HRH1: variants seen among roughly 807,000 people sequenced by gnomAD.
HRH1 encodes histamine H1 receptor.
In HRH1, 6 loss-of-function variants were observed where a neutral mutation model predicts 10.3. The ratio of observed to expected loss-of-function variants is 0.58; its 90% CI spans 0.32 to 1.15. HRH1 has a LOEUF of 1.15. HRH1 is among the 50% of genes most tolerant of loss of function. HRH1 has a pLI of 0.05. For missense variants in HRH1, 514 were observed against 615.3 expected (o/e 0.84, Z 1.74); for synonymous variants, 242 against 236.7 (o/e 1.02, Z -0.21).
chr3:11,234,634 GTTA>G, intron 1 of HRH1: 1 of 1,390,642 alleles, frequency 7.2e-7, no homozygotes, highest in East Asian at 2.3e-5. Flanking sequence ...GTCTTCTTTG[GTTA>G]TAAATATGAT....
intron 1 of HRH1, among the ~76,000 whole-genome samples, chr3:11,155,272 A>T (rs1453314221): frequency 6.6e-6 from 1 of 152,024 alleles, no homozygotes; most frequent in Non-Finnish European, 1.5e-5. Flanking sequence ...CCGAGAGAGG[A>T]GGATGCTTTG....
At chr3:11,154,342 G>A (rs1390889085), upstream of HRH1, among the ~76,000 whole-genome samples, 14 of 151,668 alleles carry the variant, frequency 9.2e-5, no homozygotes, top group Admixed American at 2.6e-4. The surrounding 1 kb of genome is among the most constrained non-coding windows in gnomAD (Gnocchi z 4.4). Flanking sequence ...GGCGGCCCTG[G>A]GCGCGTGGAA....
intron 1 of HRH1, chr3:11,234,203 G>A: frequency 8.4e-7 from 1 of 1,184,252 alleles, no homozygotes; most frequent in Non-Finnish European, 1.2e-6. Context: ...AAGGTCTTTT[G>A]CAAAAGGTCC....
intron 1 of HRH1, among the ~76,000 whole-genome samples, chr3:11,207,111 TG>T (rs2125031548): frequency 6.6e-6 from 1 of 151,860 alleles, no homozygotes; most frequent in East Asian, 1.9e-4. Flanking sequence ...TGTGAGATAC[TG>T]GGGTATATTG....
chr3:11,246,537 A>G (rs920155256), intron 1 of HRH1, among the ~76,000 whole-genome samples: 1 of 152,232 alleles, frequency 6.6e-6, no homozygotes, highest in Non-Finnish European at 1.5e-5. Flanking sequence ...CAGGTCCCGA[A>G]GGGAGGGAAA....
chr3:11,140,038 C>T (rs1026822791), intron 1 of HRH1, among the ~76,000 whole-genome samples: 1 of 152,038 alleles, frequency 6.6e-6, no homozygotes, highest in African/African-American at 2.4e-5. Context: ...GGAAGCATTC[C>T]TTCTGGGCAG....
chr3:11,255,871 A>T (rs942649603), intron 1 of HRH1, among the ~76,000 whole-genome samples: 1 of 152,340 alleles, frequency 6.6e-6, no homozygotes, highest in South Asian at 2.1e-4. Context: ...GCAGTTCCCA[A>T]CTTGACTTTT....
chr3:11,174,303 G>A (rs1937209158), intron 1 of HRH1, among the ~76,000 whole-genome samples: 1 of 152,196 alleles, frequency 6.6e-6, no homozygotes, highest in Non-Finnish European at 1.5e-5. Context: ...ACCTTCTAGG[G>A]ATTTCTAATA....
chr3:11,259,666 A>T lies in HRH1; in HGVS notation c.629A>T (p.Tyr210Phe). 3.1e-6 allele frequency: 5 copies of T among 1,613,798 alleles called. No homozygotes were observed. Among genetic ancestry groups the T allele is most frequent in the Non-Finnish European group, 4.2e-6 (5 of 1,179,932 alleles). Residue 210 changes from tyrosine to phenylalanine, a missense_variant, in exon 2 of 2, where the codon TAT (tyrosine) becomes TTT (phenylalanine). Physicochemically the swap from Tyr to Phe is conservative, Grantham distance 22 (BLOSUM62 3). Coordinates refer to ENST00000431010, the MANE Select transcript of HRH1 (RefSeq NM_001098212.2). This position sits in a 1 kb window ranked among gnomAD's most constrained non-coding sequence, Gnocchi z 4.6. ...CCCACCTTGCTCATGCTCTGGTTCT[A>T]TGCCAAGATCTACAAGGCCGTACGA... ...YLPTLLMLWF[Y>F]AKIYKAVRQH...
At chr3:11,256,117 C>A (rs1939774168) in intron 1 of HRH1, among the ~76,000 whole-genome samples, 1 of 152,048 alleles carries the variant, frequency 6.6e-6, no homozygotes, top group African/African-American at 2.4e-5. Flanking sequence ...AGGATGAGAT[C>A]CCCGAGGCCG....
intron 1 of HRH1, among the ~76,000 whole-genome samples, chr3:11,205,725 T>C (rs999696610): frequency 1.3e-5 from 2 of 150,838 alleles, no homozygotes; most frequent in South Asian, 4.2e-4. Context: ...GCAGCGGCAC[T>C]ATCTCGGCTC....
chr3:11,210,370 G>C (rs1938285501), intron 1 of HRH1, among the ~76,000 whole-genome samples: 1 of 151,912 alleles, frequency 6.6e-6, no homozygotes, highest in South Asian at 2.1e-4. Context: ...ATCCAGCCTG[G>C]GTGACAAAAC....
chr3:11,172,744 C>T (rs1189205587), intron 1 of HRH1, among the ~76,000 whole-genome samples: 1 of 147,584 alleles, frequency 6.8e-6, no homozygotes, highest in Non-Finnish European at 1.5e-5. Context: ...GCTCTGTCCC[C>T]CAGGCTGAAG....
At chr3:11,246,053 CAT>C (rs1198538640) in intron 1 of HRH1, among the ~76,000 whole-genome samples, 2 of 151,962 alleles carry the variant, frequency 1.3e-5, no homozygotes, top group Non-Finnish European at 2.9e-5. Context: ...CATTCACACA[CAT>C]ACACACAGAC....
At chr3:11,215,126 A>G (rs1938445491) in intron 1 of HRH1, among the ~76,000 whole-genome samples, 1 of 152,226 alleles carries the variant, frequency 6.6e-6, no homozygotes, top group Admixed American at 6.5e-5. Flanking sequence ...TAACTCAGAA[A>G]GATAGTTCCC....
intron 1 of HRH1, among the ~76,000 whole-genome samples, chr3:11,221,321 G>A (rs1490791018): frequency 1.3e-5 from 2 of 152,130 alleles, no homozygotes; most frequent in African/African-American, 4.8e-5. Flanking sequence ...GGGAGGCCGA[G>A]GTGGGTGGAT....
chr3:11,144,429 A>G (rs62248177), intron 1 of HRH1, among the ~76,000 whole-genome samples: 1 of 44,440 alleles, frequency 2.3e-5, no homozygotes, highest in Non-Finnish European at 6.2e-5. Flanking sequence ...GTATATATAC[A>G]TATAGACATA....
intron 1 of HRH1, among the ~76,000 whole-genome samples, chr3:11,214,030 G>A (rs1329425159): frequency 6.6e-6 from 1 of 152,150 alleles, no homozygotes; most frequent in East Asian, 1.9e-4. Flanking sequence ...GGGGGTCAGC[G>A]TGGGGTTTGT....
chr3:11,170,705 G>C (rs897057253), intron 1 of HRH1, among the ~76,000 whole-genome samples: 1 of 152,248 alleles, frequency 6.6e-6, no homozygotes, highest in African/African-American at 2.4e-5. Flanking sequence ...GAAGTCGGCA[G>C]GGAGCACTTA....
Sources: allele counts gnomAD v4.1 joint callset (sites outside exome capture counted in the v4.1 genomes callset), GRCh38; gene constraint gnomAD v4.1.1; non-coding constraint Gnocchi (gnomAD v3.1); transcripts MANE v1.5; gene names NCBI Gene and HGNC (gene_info 2026-07-23, HGNC 2026-07-21).